CSF3R: variants seen among roughly 807,000 people sequenced by gnomAD.
CSF3R encodes the protein colony stimulating factor 3 receptor.
In CSF3R, 52 loss-of-function variants were observed where a neutral mutation model predicts 84.4. The ratio of observed to expected loss-of-function variants is 0.62; its 90% CI spans 0.49 to 0.78. The LOEUF (loss-of-function observed/expected upper bound fraction) is 0.78, where lower values mean the gene tolerates loss of function less well. Ranked by LOEUF, CSF3R falls within the 30% of genes least tolerant of loss-of-function variation. CSF3R has a pLI of 0.00. For missense variants in CSF3R, 890 were observed against 1,055.7 expected (o/e 0.84, Z 2.17); for synonymous variants, 384 against 429.1 (o/e 0.89, Z 1.30).
chr1:36,475,459 G>C lies in CSF3R; in HGVS notation c.279C>G (p.Asn93Lys). Residue 93 changes from asparagine (N) to lysine (K), a missense_variant, in exon 4 of 17, where the codon AAC becomes AAG. Transcript: ENST00000373106. ...AGCAGGAGAGAAAGGCCTGAGTGTGGTTGAGGTGGGGCAGGGTGATGATAG... is the reference window on the plus strand; with the variant it reads ...AGCAGGAGAGAAAGGCCTGAGTGTGCTTGAGGTGGGGCAGGGTGATGATAG... Reference protein sequence around the residue: ...QESIITLPHLNHTQAFLSCCL... With the variant: ...QESIITLPHLKHTQAFLSCCL... 1 of 1,614,232 alleles carries C rather than the reference G, an allele frequency of 6.2e-7. No homozygotes were observed. The highest frequency in any genetic ancestry group is 8.5e-7 in the Non-Finnish European group (1 of 1,180,038).
In CSF3R at chr1:36,472,674, G is replaced by T. The variant is rs764202764; in HGVS notation, c.686C>A (p.Pro229His). ...LDPMDVVKLE[P>H]PMLRTMDPSP... is the part of the protein sequence containing the mutation. The stretch of plus-strand genomic sequence containing the variant: ...GGGGTCCATGGTCCGCAGCATGGGG[G>T]GCTCCAGTTTCACTGCAAGGAGTGG... The change falls in exon 7 of 17, where the codon CCC (proline) becomes CAC (histidine). Residue 229 changes from proline to histidine, a missense_variant. Physicochemically the swap from Pro to His is moderately conservative, Grantham distance 77. Transcript: ENST00000373106. The surrounding 1 kb of genome is among the most constrained non-coding windows in gnomAD (Gnocchi z 5.0). 3.3e-5 allele frequency: 52 copies of T among 1,599,754 alleles called. No homozygotes were observed. The highest frequency in any genetic ancestry group is 2.1e-4 in the Middle Eastern group (1 of 4,698).
rs946993363 is a variant in CSF3R, at chr1:36,475,465, G to A, written c.273C>T (p.His91=). The A allele has an allele frequency of 3.7e-6, 6 of 1,614,078 alleles. No individual in the cohort carries two copies. The Admixed American group carries it at 8.3e-5, about 22-fold the overall frequency. The change falls in exon 4 of 17, where the codon CAC becomes CAT. Residue 91 remains histidine (H), a synonymous_variant. Coordinates refer to ENST00000373106, the MANE Select transcript of CSF3R (RefSeq NM_000760.4). ...AGAGAAAGGCCTGAGTGTGGTTGAG[G>A]TGGGGCAGGGTGATGATAGATTCCT... ...GTQESIITLP[H]LNHTQAFLSC... is the part of the protein sequence containing the mutation.
intron 9 of CSF3R, 70 bp downstream of exon 9, chr1:36,471,996 C>A (rs1374754550): frequency 1.7e-5 from 25 of 1,509,522 alleles, no homozygotes; most frequent in Middle Eastern, 1.8e-4. Context: ...GTCCTAAGCC[C>A]CGGTTTGTAG....
Position 36,472,524 on chromosome 1 carries a change from C to T in CSF3R, c.836G>A (p.Trp279Ter), listed in dbSNP as rs1650834725. 6.2e-7 allele frequency: 1 copy of T among 1,614,214 alleles called. No individual in the cohort carries two copies. The highest frequency in any genetic ancestry group is 8.5e-7 in the Non-Finnish European group (1 of 1,180,040). Residue 279 changes from tryptophan to a stop codon, truncating the protein, a stop_gained, in exon 7 of 17, where the codon TGG (tryptophan) becomes TAG (stop). Coordinates refer to ENST00000373106, the MANE Select transcript of CSF3R (RefSeq NM_000760.4). LOFTEE classifies it high-confidence loss of function. This position sits in a 1 kb window ranked among gnomAD's most constrained non-coding sequence, Gnocchi z 5.0. ...RHKPQRGEAS[W>*]ALVGPLPLEA... Reference sequence around the variant, plus strand: ...GGTTGCCCTCTGCCTCACCAGTGCCCAGCTGGCTTCTCCACGCTGCGGCTT... The same window carrying T: ...GGTTGCCCTCTGCCTCACCAGTGCCTAGCTGGCTTCTCCACGCTGCGGCTT...
Position 36,467,458 on chromosome 1 carries a change from A to G in CSF3R, c.1958+100T>C. On this transcript the variant is annotated intron_variant, in intron 15 of 16. Transcript: ENST00000373106. The surrounding 1 kb of genome is among the most constrained non-coding windows in gnomAD (Gnocchi z 4.1). ...CTGGGACTCTCAGACATGGGCCCCA[A>G]AGTTTGGGAAGGCTGGAAGGGACTT... 1 of 1,440,066 alleles carries G rather than the reference A, an allele frequency of 6.9e-7. No individual in the cohort carries two copies. Among genetic ancestry groups the G allele is most frequent in the Non-Finnish European group, 9.8e-7 (1 of 1,023,790 alleles). 89.2% of individuals were successfully genotyped at this position (1,440,066 alleles called of 1,614,324 possible). A position where few individuals can be genotyped will look rare whatever the true frequency, so the allele number is the denominator to read the frequency against.
intron 3 of CSF3R, chr1:36,479,224 C>G: frequency 1.6e-6 from 1 of 643,698 alleles, no homozygotes; most frequent in Non-Finnish European, 2.9e-6. Context: ...GATGACCAGC[C>G]CGGGTCGTCT....
chr1:36,473,947 T>A (rs1161822727), intron 4 of CSF3R, 60 bp from the exon 5 acceptor site: 6 of 1,611,158 alleles, frequency 3.7e-6, no homozygotes, highest in Non-Finnish European at 5.1e-6. Flanking sequence ...AAGCTTCCTC[T>A]GGGACCAGCT....
At chr1:36,478,345 A>G (rs1326194556) in intron 3 of CSF3R, among the ~76,000 whole-genome samples, 2 of 151,814 alleles carry the variant, frequency 1.3e-5, no homozygotes, top group Admixed American at 6.6e-5. Context: ...CCTGGCCAAC[A>G]TGGTGAAACC....
chr1:36,466,363 G>C lies in CSF3R; in HGVS notation c.2505C>G (p.Ser835Arg). 1 of 1,612,846 alleles carries C rather than the reference G, an allele frequency of 6.2e-7. No individual in the cohort carries two copies. Among genetic ancestry groups the C allele is most frequent in the Middle Eastern group, 2.0e-4 (1 of 5,080 alleles). ...AAGGGAACCCCAGGAAGCCCTAGAA[G>C]CTCCCCAGCGCCTCCATCCCATGGA... The part of the protein sequence containing the change: ...IRVHGMEALG[S>R]F Residue 835 changes from serine (S) to arginine (R), a missense_variant, in exon 17 of 17, where the codon AGC (serine) becomes AGG (arginine). Transcript: ENST00000373106. The surrounding 1 kb of genome is among the most constrained non-coding windows in gnomAD (Gnocchi z 4.6).
intron 3 of CSF3R, among the ~76,000 whole-genome samples, chr1:36,478,316 G>T (rs533973244): frequency 7.2e-4 from 109 of 151,942 alleles, no homozygotes; most frequent in Non-Finnish European, 1.4e-3. Flanking sequence ...ATCACCTGAC[G>T]TCAGGAGTTT....
intron 1 of CSF3R, among the ~76,000 whole-genome samples, chr1:36,482,489 G>A (rs1043862764): frequency 2.6e-5 from 4 of 152,164 alleles, no homozygotes; most frequent in South Asian, 2.1e-4. Context: ...GGGGTTGCGC[G>A]GCTGGAACTC....
At chr1:36,475,704 C>T (rs755317581) in intron 3 of CSF3R, 31 bp from the exon 4 acceptor site, 34 of 1,594,638 alleles carry the variant, frequency 2.1e-5, no homozygotes, top group Middle Eastern at 2.2e-4. Context: ...CCAGGAACGA[C>T]GCCTCTGCCT....
intron 10 of CSF3R, 131 bp downstream of exon 10, chr1:36,471,302 C>G: frequency 4.3e-6 from 4 of 929,550 alleles, no homozygotes; most frequent in African/African-American, 1.6e-5. Context: ...CCACCTCGGC[C>G]TCCCAAAGTG....
At chr1:36,471,690 T>C in intron 9 of CSF3R, 44 bp from the exon 10 acceptor site, 1 of 1,595,532 alleles carries the variant, frequency 6.3e-7, no homozygotes, top group Non-Finnish European at 8.6e-7. Flanking sequence ...GTGCAGCTCA[T>C]CTTGAGTCAA....
In CSF3R at chr1:36,467,580, C is replaced by A. The variant is rs1471584414; in HGVS notation, c.1936G>T (p.Ala646Ser). 1 of 1,614,164 alleles carries A rather than the reference C, an allele frequency of 6.2e-7. No individual in the cohort carries two copies. Among genetic ancestry groups the A allele is most frequent in the Non-Finnish European group, 8.5e-7 (1 of 1,180,020 alleles). Reference protein sequence around the residue: ...LLLLTCLCGTAWLCCSPNRKN... With the variant: ...LLLLTCLCGTSWLCCSPNRKN... Reference sequence around the variant, plus strand: ...CACTTGGGGCTGCAACAGAGCCAGGCAGTTCCACAGAGGCAGGTGAGCAAC... The same window carrying A: ...CACTTGGGGCTGCAACAGAGCCAGGAAGTTCCACAGAGGCAGGTGAGCAAC... Residue 646 changes from alanine to serine, a missense_variant, in exon 15 of 17, where the codon GCC (alanine) becomes TCC (serine). Transcript: ENST00000373106. This position sits in a 1 kb window ranked among gnomAD's most constrained non-coding sequence, Gnocchi z 4.1.
intron 9 of CSF3R, 79 bp from the exon 10 acceptor site, chr1:36,471,725 G>T: frequency 6.9e-7 from 1 of 1,442,998 alleles, no homozygotes; most frequent in Non-Finnish European, 9.7e-7. Flanking sequence ...TGGGGTGGAT[G>T]GATCATACAA....
rs371706347 is a variant in CSF3R, at chr1:36,467,977, C to T, written c.1724-15G>A. The T allele has an allele frequency of 2.9e-5, 47 of 1,614,034 alleles. No homozygotes were observed. The Admixed American group carries it at 4.2e-4, about 14-fold the overall frequency. ...CAGGATGGCGGCTGGGAGGGGTGTA[C>T]GGTCAGCATAGGCCTGGATGGTAAA... On this transcript the variant is annotated splice_polypyrimidine_tract_variant and intron_variant, in intron 13 of 16. Transcript: ENST00000373106. This position sits in a 1 kb window ranked among gnomAD's most constrained non-coding sequence, Gnocchi z 4.1.
rs200847455 is a variant in CSF3R, at chr1:36,475,567, C to T, written c.171G>A (p.Pro57=). The part of the protein sequence containing the change: ...IIKQNCSHLD[P]EPQILWRLGA... The stretch of plus-strand genomic sequence containing the variant: ...CCAGTCTCCACAGAATCTGTGGCTC[C>T]GGGTCCAGATGGCTGCAGTTCTGCT... The change falls in exon 4 of 17, where the codon CCG becomes CCA. Residue 57 remains proline (P), a synonymous_variant. Transcript: ENST00000373106. 7.4e-5 allele frequency: 119 copies of T among 1,613,678 alleles called. No homozygotes were observed. The East Asian group carries it at 1.7e-3, about 24-fold the overall frequency.
At position 36,472,244 on chromosome 1, in the gene CSF3R, C is replaced by G. The variant is rs748394788; in HGVS notation, c.991G>C (p.Glu331Gln). ...CCTCTCATCACCTCCTTACCCCGTT[C>G]GGTAGTTCTCAGCTCCAGGCTGGGG... The part of the protein sequence containing the change: ...WSPSLELRTT[E>Q]RAPTVRLDTW... The change falls in exon 8 of 17, where the codon GAA becomes CAA. Residue 331 changes from glutamate (E) to glutamine (Q), a missense_variant. Coordinates refer to ENST00000373106, the MANE Select transcript of CSF3R (RefSeq NM_000760.4). This position sits in a 1 kb window ranked among gnomAD's most constrained non-coding sequence, Gnocchi z 5.0. The G allele has an allele frequency of 3.1e-6, 5 of 1,614,098 alleles. No individual in the cohort carries two copies. Among genetic ancestry groups the G allele is most frequent in the Middle Eastern group, 1.6e-4 (1 of 6,062 alleles).
Sources: gnomAD v4.1 joint callset for allele counts (sites outside exome capture counted in the v4.1 genomes callset) on GRCh38, gnomAD v4.1.1 for gene constraint, Gnocchi (gnomAD v3.1) non-coding constraint, MANE v1.5 for transcripts, NCBI Gene and HGNC (gene_info 2026-07-23, HGNC 2026-07-21) for gene names.